Variants in MDGA2 observed in about 807,000 individuals in gnomAD.
MDGA2 encodes the protein MAM domain-containing glycosylphosphatidylinositol anchor protein 2.
In MDGA2, 40 loss-of-function variants were observed where a neutral mutation model predicts 117.8. The observed-to-expected ratio is 0.34, with a 90% CI of 0.26 to 0.44. MDGA2 has a LOEUF of 0.44. Ranked by LOEUF, MDGA2 falls within the 20% of genes least tolerant of loss-of-function variation. The pLI is 1.00. For synonymous variants in MDGA2, 452 were observed against 439.0 expected (o/e 1.03, Z -0.37); for missense variants, 1,123 against 1,250.6 (o/e 0.90, Z 1.54).
intron 3 of MDGA2, among the ~76,000 whole-genome samples, chr14:47,165,192 T>C (rs1163183607): frequency 6.6e-6 from 1 of 152,060 alleles, no homozygotes. Context: ...ATGGAACATA[T>C]ATACATATGT....
intron 14 of MDGA2, among the ~76,000 whole-genome samples, chr14:46,861,236 C>T (rs1881494739): frequency 6.6e-6 from 1 of 151,830 alleles, no homozygotes; most frequent in South Asian, 2.1e-4. Flanking sequence ...ATAGTGCATA[C>T]TATATGTCCT....
rs141124464 is a variant in MDGA2 at position 47,550,424 on chromosome 14, G to A, written c.280+124093C>T. Among the ~76,000 whole-genome samples, 643 of 151,996 alleles carry A rather than the reference G, an allele frequency of 4.2e-3. 4 individuals are homozygous for A. Among genetic ancestry groups the A allele is most frequent in the South Asian group, 3.7e-3 (18 of 4,826 alleles). On this transcript the variant is annotated intron_variant, in intron 1 of 16. Coordinates refer to ENST00000399232, the MANE Select transcript of MDGA2 (RefSeq NM_001113498.3). The stretch of plus-strand genomic sequence containing the variant: ...ATGTTAATATTCCTTCACTTATTTC[G>A]GAATCAACAGTATCAAGCATATAAA...
At chr14:47,430,097 T>C (rs1414708184) in intron 1 of MDGA2, among the ~76,000 whole-genome samples, 1 of 151,552 alleles carries the variant, frequency 6.6e-6, no homozygotes. Context: ...GTACAGTTCC[T>C]ACAGTGCCTT....
intron 8 of MDGA2, among the ~76,000 whole-genome samples, chr14:46,992,515 A>G (rs1359901438): frequency 1.3e-5 from 2 of 152,148 alleles, no homozygotes; most frequent in Non-Finnish European, 2.9e-5. Context: ...CTAGTAATTT[A>G]TATACTGTAA....
At chr14:46,858,414 CTTTTTCTT>C (rs367606629) in intron 14 of MDGA2, among the ~76,000 whole-genome samples, 38 of 133,696 alleles carry the variant, frequency 2.8e-4, no homozygotes, top group African/African-American at 6.6e-4. Flanking sequence ...TTTTCTTTTT[CTTTTTCTT>C]TTTTTCTTTT....
At chr14:46,913,800 T>G (rs1168364105) in intron 10 of MDGA2, among the ~76,000 whole-genome samples, 1 of 152,172 alleles carries the variant, frequency 6.6e-6, no homozygotes, top group Non-Finnish European at 1.5e-5. Flanking sequence ...CTTTGTTTAT[T>G]TCTATTAAAC....
chr14:47,293,948 A>T (rs1888974266), intron 2 of MDGA2, among the ~76,000 whole-genome samples: 1 of 152,142 alleles, frequency 6.6e-6, no homozygotes, highest in South Asian at 2.1e-4. Context: ...TTTGAAGACT[A>T]TAAGGAAGAC....
At chr14:47,674,026 C>T (rs1264495846) in intron 1 of MDGA2, among the ~76,000 whole-genome samples, 2 of 151,570 alleles carry the variant, frequency 1.3e-5, no homozygotes, top group African/African-American at 4.9e-5. Flanking sequence ...ACTGTCACCC[C>T]ACTTCCTGAG....
chr14:47,243,245 G>A (rs138427511), intron 2 of MDGA2, among the ~76,000 whole-genome samples: 28 of 151,448 alleles, frequency 1.8e-4, no homozygotes, highest in South Asian at 1.1e-3. Context: ...TAATCTGGTG[G>A]GGATGTGGAG....
At chr14:47,142,250 C>T (rs868589656) in intron 4 of MDGA2, among the ~76,000 whole-genome samples, 1 of 152,088 alleles carries the variant, frequency 6.6e-6, no homozygotes, top group Non-Finnish European at 1.5e-5. Flanking sequence ...TTGAGATCAG[C>T]CTAGCCAACA....
chr14:47,163,582 C>T (rs1035743888), intron 3 of MDGA2, among the ~76,000 whole-genome samples: 4 of 152,240 alleles, frequency 2.6e-5, no homozygotes, highest in African/African-American at 9.6e-5. Context: ...GATCCTGAGG[C>T]CGCCCCAGCC....
intron 1 of MDGA2, among the ~76,000 whole-genome samples, chr14:47,641,801 A>C (rs960962145): frequency 1.3e-5 from 2 of 152,178 alleles, no homozygotes; most frequent in Non-Finnish European, 2.9e-5. Flanking sequence ...GTTGTCAGGC[A>C]CTGCATATAA....
chr14:46,922,415 A>G (rs867052825), intron 9 of MDGA2, among the ~76,000 whole-genome samples: 5 of 152,308 alleles, frequency 3.3e-5, no homozygotes, highest in Middle Eastern at 3.4e-3. Flanking sequence ...GTAGGCTGCT[A>G]TAAAACATTT....
At position 47,117,720 on chromosome 14, in the gene MDGA2, A is replaced by G. The variant is rs1881408184; in HGVS notation, c.925+13994T>C. Among the ~76,000 whole-genome samples, 6 of 152,138 alleles carry G rather than the reference A, an allele frequency of 3.9e-5. 1 individual carries two copies. The South Asian group carries it at 1.2e-3, about 31-fold the overall frequency. On this transcript the variant is annotated intron_variant, in intron 5 of 16. Coordinates refer to ENST00000399232, the MANE Select transcript of MDGA2 (RefSeq NM_001113498.3). ...TCAAATTCATAGAATCATAGAATCA[A>G]AGGGTGGAAATGTGGCTATCAGGGG...
intron 1 of MDGA2, among the ~76,000 whole-genome samples, chr14:47,323,771 G>T (rs925636101): frequency 1.3e-5 from 2 of 152,156 alleles, no homozygotes; most frequent in African/African-American, 4.8e-5. Context: ...TTTGAAACTG[G>T]AAGCTGGCAA....
intron 1 of MDGA2, among the ~76,000 whole-genome samples, chr14:47,534,711 T>G (rs754051738): frequency 2.0e-5 from 3 of 152,158 alleles, no homozygotes; most frequent in Non-Finnish European, 4.4e-5. Flanking sequence ...ACCATATCAG[T>G]AGCTTCAAAA....
chr14:46,981,806 A>AT (rs1176420466), intron 8 of MDGA2, among the ~76,000 whole-genome samples: 1 of 152,184 alleles, frequency 6.6e-6, no homozygotes, highest in Non-Finnish European at 1.5e-5. Flanking sequence ...GGGACTAAAA[A>AT]TCAGAGCACT....
intron 5 of MDGA2, among the ~76,000 whole-genome samples, chr14:47,107,887 C>T (rs1880809956): frequency 6.6e-6 from 1 of 151,656 alleles, no homozygotes. Context: ...AGAGGCCTTT[C>T]CTACAGGGTC....
chr14:47,014,395 C>A (rs1472589634), intron 8 of MDGA2, among the ~76,000 whole-genome samples: 1 of 152,128 alleles, frequency 6.6e-6, no homozygotes, highest in Non-Finnish European at 1.5e-5. Context: ...AGTTTTGAAG[C>A]CAGTCATTGA....
Sources: allele counts gnomAD v4.1 joint callset (sites outside exome capture counted in the v4.1 genomes callset), GRCh38; gene constraint gnomAD v4.1.1; transcripts MANE v1.5; gene names NCBI Gene and HGNC (gene_info 2026-07-23, HGNC 2026-07-21).